Variants in GTF2IRD1 observed in about 807,000 individuals in gnomAD.
GTF2IRD1 encodes the protein GTF2I repeat domain containing 1.
GTF2IRD1 carries 26 observed loss-of-function variants against 113.2 expected under a neutral mutation model. That is an observed-to-expected ratio of 0.23 (90% CI 0.17 to 0.32). The LOEUF is 0.32. Ranked by LOEUF, GTF2IRD1 falls within the 10% of genes least tolerant of loss-of-function variation. The probability of loss-of-function intolerance (pLI) is 1.00; values close to 1 mark genes in which losing one functional copy is unlikely to be tolerated. For synonymous variants in GTF2IRD1, 484 were observed against 529.1 expected, an observed-to-expected ratio of 0.91 and a Z score of 1.17; for missense variants, 864 against 1,280.8, an observed-to-expected ratio of 0.67 and a Z score of 4.97.
chr7:74,532,138 G>A (rs975744288), intron 9 of GTF2IRD1, among the ~76,000 whole-genome samples: 5 of 152,120 alleles, frequency 3.3e-5, no homozygotes, highest in South Asian at 2.1e-4. Context: ...GCATCTGACC[G>A]CTCCCTGACA....
intron 1 of GTF2IRD1, among the ~76,000 whole-genome samples, chr7:74,478,538 C>G (rs550335904): frequency 6.6e-6 from 1 of 152,248 alleles, no homozygotes; most frequent in Admixed American, 6.5e-5. Context: ...TCACTGTAGC[C>G]TAGAACTCTT....
intron 14 of GTF2IRD1, among the ~76,000 whole-genome samples, chr7:74,541,487 G>A (rs782621792): frequency 2.6e-5 from 4 of 152,134 alleles, no homozygotes; most frequent in African/African-American, 2.4e-5. Context: ...TTAGTTGGGT[G>A]TGGTGGTGCG....
In GTF2IRD1 at chr7:74,601,110, C is replaced by T; in HGVS notation, c.2696C>T (p.Ser899Phe). The part of the protein sequence containing the change: ...RVSEGNSVSS[S>F]SSSSSSSSSN... ...TCGGAAGGAAATTCCGTCTCCTCTT[C>T]CTCCTCGTCTTCCTCTTCCTCGTCC... The change falls in exon 26 of 27, where the codon TCC becomes TTC. Residue 899 changes from serine (S) to phenylalanine (F), a missense_variant. Ser to Phe is a radical substitution (Grantham distance 155). Transcript: ENST00000424337. 1 of 1,613,796 alleles carries T rather than the reference C, an allele frequency of 6.2e-7. No individual in the cohort carries two copies. Among genetic ancestry groups the T allele is most frequent in the Non-Finnish European group, 8.5e-7 (1 of 1,179,852 alleles).
At chr7:74,496,646 G>C (rs541484925) in intron 1 of GTF2IRD1, among the ~76,000 whole-genome samples, 1 of 150,586 alleles carries the variant, frequency 6.6e-6, no homozygotes, top group Non-Finnish European at 1.5e-5. Context: ...GTATGTGTGC[G>C]TGTGGGTGTG....
chr7:74,519,338 T>G (rs1584583191), intron 5 of GTF2IRD1, 71 bp from the exon 6 acceptor site: 4 of 1,118,558 alleles, frequency 3.6e-6, no homozygotes, highest in South Asian at 1.8e-5. Context: ...GGATGCGGGG[T>G]TTTCGGGGGA....
chr7:74,497,596 T>C (rs1295308702), intron 1 of GTF2IRD1, among the ~76,000 whole-genome samples: 4 of 151,998 alleles, frequency 2.6e-5, no homozygotes, highest in African/African-American at 9.7e-5. Context: ...GCCATGCTGT[T>C]TTCCACAGTG....
chr7:74,597,555 C>T (rs1250887939), intron 25 of GTF2IRD1, among the ~76,000 whole-genome samples: 1 of 151,728 alleles, frequency 6.6e-6, no homozygotes, highest in Admixed American at 6.6e-5. Flanking sequence ...CCATGTTGGC[C>T]GGGCTGGTCT....
chr7:74,538,023 G>T, intron 11 of GTF2IRD1, 113 bp from the exon 12 acceptor site: 1 of 925,662 alleles, frequency 1.1e-6, no homozygotes, highest in South Asian at 1.4e-5. Context: ...TGGGGACAGG[G>T]ATGCCTTCTG....
intron 8 of GTF2IRD1, among the ~76,000 whole-genome samples, chr7:74,526,974 C>T (rs1302278166): frequency 6.6e-6 from 1 of 152,160 alleles, no homozygotes; most frequent in Non-Finnish European, 1.5e-5. Flanking sequence ...AGGGCCCAAG[C>T]AGGGCTGGAG....
chr7:74,480,037 G>A (rs954757166), intron 1 of GTF2IRD1, among the ~76,000 whole-genome samples: 5 of 152,024 alleles, frequency 3.3e-5, no homozygotes, highest in African/African-American at 1.2e-4. Flanking sequence ...GTGAGCCATC[G>A]CACCCAGCCC....
chr7:74,487,597 C>T (rs1055936778), intron 1 of GTF2IRD1: 1 of 152,136 alleles, frequency 6.6e-6, no homozygotes, highest in Non-Finnish European at 1.5e-5. Flanking sequence ...AAATTATCCA[C>T]ATTACTTAAA....
intron 1 of GTF2IRD1, among the ~76,000 whole-genome samples, chr7:74,479,138 C>T (rs1193749994): frequency 1.3e-5 from 2 of 152,140 alleles, no homozygotes; most frequent in African/African-American, 2.4e-5. Context: ...CAACTCCTGG[C>T]TCCCCAACTC....
At chr7:74,551,696 G>T (rs1376903476) in intron 17 of GTF2IRD1, among the ~76,000 whole-genome samples, 3 of 152,166 alleles carry the variant, frequency 2.0e-5, no homozygotes, top group Non-Finnish European at 4.4e-5. Context: ...CCAGCACTTT[G>T]GGAGGCTGAG....
At chr7:74,572,896 T>C (rs1248967951) in intron 22 of GTF2IRD1, among the ~76,000 whole-genome samples, 2 of 152,048 alleles carry the variant, frequency 1.3e-5, no homozygotes, top group African/African-American at 4.8e-5. Flanking sequence ...TTGGAGGCCT[T>C]TGTGGGCAGA....
intron 1 of GTF2IRD1, among the ~76,000 whole-genome samples, chr7:74,498,199 C>G (rs562093872): frequency 6.6e-6 from 1 of 151,732 alleles, no homozygotes; most frequent in Non-Finnish European, 1.5e-5. Context: ...GATGATGTCT[C>G]GCTCTGTTGC....
chr7:74,596,436 G>C (rs1453381659), intron 25 of GTF2IRD1, among the ~76,000 whole-genome samples: 1 of 148,612 alleles, frequency 6.7e-6, no homozygotes, highest in Non-Finnish European at 1.5e-5. Context: ...CTCCAGCCTG[G>C]GCAACAGAGC....
intron 7 of GTF2IRD1, among the ~76,000 whole-genome samples, chr7:74,523,077 G>T (rs1554346359): frequency 6.6e-6 from 1 of 152,186 alleles, no homozygotes; most frequent in African/African-American, 2.4e-5. Context: ...CCCTTAGCCA[G>T]ACATGGTGGT....
chr7:74,495,523 G>A (rs782658091), intron 1 of GTF2IRD1, among the ~76,000 whole-genome samples: 3 of 152,102 alleles, frequency 2.0e-5, no homozygotes, highest in African/African-American at 7.2e-5. Context: ...CCCTCTCTTC[G>A]GAGGCCTTTC....
At chr7:74,521,088 A>G in intron 6 of GTF2IRD1, 120 bp from the exon 7 acceptor site, 1 of 622,910 alleles carries the variant, frequency 1.6e-6, no homozygotes, top group Middle Eastern at 2.6e-4. Flanking sequence ...GGAATCAGTT[A>G]TTGGATGTCC....
Sources: gnomAD v4.1 joint callset for allele counts (sites outside exome capture counted in the v4.1 genomes callset) on GRCh38, gnomAD v4.1.1 for gene constraint, MANE v1.5 for transcripts, NCBI Gene and HGNC (gene_info 2026-07-23, HGNC 2026-07-21) for gene names.